The following CAST variants were observed in gnomAD, a reference collection of about 807,000 sequenced individuals.
The protein encoded by CAST is calpastatin.
CAST carries 76 observed loss-of-function variants against 119.6 expected under a neutral mutation model. The observed-to-expected ratio is 0.64, with a 90% CI of 0.53 to 0.77. The LOEUF (loss-of-function observed/expected upper bound fraction) is 0.77, where lower values mean the gene tolerates loss of function less well. CAST is among the 30% of genes least tolerant of loss of function. CAST has a pLI of 0.00. For missense variants in CAST, 953 were observed against 946.5 expected (o/e 1.01, Z -0.09); for synonymous variants, 319 against 331.6 (o/e 0.96, Z 0.41).
At chr5:96,081,288 C>T in the CAST span, among the ~76,000 whole-genome samples, 1 of 152,306 alleles carries the variant, frequency 6.6e-6, no homozygotes, top group East Asian at 1.9e-4. Flanking sequence ...TCCAGGTTCT[C>T]TTTCCTGTGT....
At chr5:96,445,516 A>G in the CAST span, among the ~76,000 whole-genome samples, 1 of 152,170 alleles carries the variant, frequency 6.6e-6, no homozygotes, top group African/African-American at 2.4e-5. Context: ...CAGTCATCTG[A>G]AATGGTTCCT....
intron 1 of CAST, among the ~76,000 whole-genome samples, chr5:96,664,776 T>C (rs1394347179): frequency 1.3e-5 from 2 of 152,254 alleles, no homozygotes; most frequent in African/African-American, 2.4e-5. Flanking sequence ...TTGAGATACT[T>C]CTTCATGAAT....
At chr5:96,421,024 T>C in the CAST span, among the ~76,000 whole-genome samples, 3 of 152,182 alleles carry the variant, frequency 2.0e-5, no homozygotes, top group Non-Finnish European at 2.9e-5. Flanking sequence ...AAAGGAAAGT[T>C]TGAGTGTCTC....
At chr5:96,476,331 C>A in the CAST span, among the ~76,000 whole-genome samples, 1 of 152,112 alleles carries the variant, frequency 6.6e-6, no homozygotes, top group Admixed American at 6.5e-5. Context: ...AATTCATTTT[C>A]TCCATTTTTA....
the CAST span, among the ~76,000 whole-genome samples, chr5:96,285,216 G>A: frequency 6.6e-6 from 1 of 152,134 alleles, no homozygotes; most frequent in South Asian, 2.1e-4. Context: ...ACAGACTAAA[G>A]TTCCTGCTTT....
the CAST span, among the ~76,000 whole-genome samples, chr5:96,231,644 G>C: frequency 6.6e-6 from 1 of 151,742 alleles, no homozygotes; most frequent in Non-Finnish European, 1.5e-5. Context: ...TGAAGTTTAT[G>C]GTATAAATTA....
intron 3 of CAST, among the ~76,000 whole-genome samples, chr5:96,709,986 G>A (rs770133021): frequency 2.0e-5 from 3 of 152,120 alleles, no homozygotes; most frequent in Non-Finnish European, 1.5e-5. Flanking sequence ...AAGAAAGGAC[G>A]CGGGCTATAG....
intron 1 of CAST, among the ~76,000 whole-genome samples, chr5:96,551,830 C>A (rs1225692029): frequency 6.6e-6 from 1 of 152,064 alleles, no homozygotes; most frequent in Non-Finnish European, 1.5e-5. Flanking sequence ...AAGTCCATTA[C>A]ATAATGGTAA....
At chr5:96,211,200 G>A in the CAST span, among the ~76,000 whole-genome samples, 4 of 151,896 alleles carry the variant, frequency 2.6e-5, no homozygotes, top group Non-Finnish European at 4.4e-5. Flanking sequence ...CCAGTAATAT[G>A]GGTGAGTAAG....
the CAST span, chr5:96,318,923 C>T: frequency 1.3e-5 from 2 of 152,140 alleles, no homozygotes; most frequent in Admixed American, 6.5e-5. Flanking sequence ...TTTTAAGTCT[C>T]ATGACAACCC....
the CAST span, among the ~76,000 whole-genome samples, chr5:96,266,284 C>T: frequency 6.6e-6 from 1 of 152,188 alleles, no homozygotes; most frequent in Non-Finnish European, 1.5e-5. Flanking sequence ...ATGGTTTCCA[C>T]ACTAGTAAAA....
the CAST span, among the ~76,000 whole-genome samples, chr5:96,166,944 G>A: frequency 6.6e-6 from 1 of 152,138 alleles, no homozygotes; most frequent in East Asian, 1.9e-4. Context: ...GTGGGATTAC[G>A]AGCGGCTTGG....
the CAST span, among the ~76,000 whole-genome samples, chr5:96,281,617 C>T: frequency 6.6e-6 from 1 of 152,166 alleles, no homozygotes; most frequent in African/African-American, 2.4e-5. Context: ...GCCTTGCCAT[C>T]CCTGGTTCAC....
At chr5:96,382,517 TATTA>T in the CAST span, among the ~76,000 whole-genome samples, 1 of 152,196 alleles carries the variant, frequency 6.6e-6, no homozygotes, top group Non-Finnish European at 1.5e-5. Context: ...CAAAGAACTA[TATTA>T]ATTAATTAAA....
At chr5:96,195,474 A>G in the CAST span, among the ~76,000 whole-genome samples, 61 of 152,332 alleles carry the variant, frequency 4.0e-4, 1 homozygote, top group East Asian at 0.01. Context: ...AAACAGACAA[A>G]GTGAACTGCA....
intron 1 of CAST, among the ~76,000 whole-genome samples, chr5:96,665,785 T>C (rs1410927320): frequency 6.6e-6 from 1 of 151,478 alleles, no homozygotes; most frequent in Non-Finnish European, 1.5e-5. Context: ...TACAAACATA[T>C]ACAATCCAAT....
chr5:96,250,493 C>T, the CAST span, among the ~76,000 whole-genome samples: 1 of 152,092 alleles, frequency 6.6e-6, no homozygotes, highest in Admixed American at 6.6e-5. Context: ...CAGGGTGCAG[C>T]CTCCTGAGTC....
chr5:96,271,945 A>G, the CAST span, among the ~76,000 whole-genome samples: 1 of 152,202 alleles, frequency 6.6e-6, no homozygotes, highest in Admixed American at 6.5e-5. Context: ...TTTAAAATGG[A>G]CAAGAGATCC....
the CAST span, among the ~76,000 whole-genome samples, chr5:96,069,130 T>C: frequency 6.6e-6 from 1 of 151,098 alleles, no homozygotes; most frequent in African/African-American, 2.4e-5. Context: ...TGTATACATG[T>C]AAACCAAGAG....
Sources: gnomAD v4.1 joint callset for allele counts (sites outside exome capture counted in the v4.1 genomes callset) on GRCh38, gnomAD v4.1.1 for gene constraint, MANE v1.5 for transcripts, NCBI Gene and HGNC (gene_info 2026-07-23, HGNC 2026-07-21) for gene names.